The following EYS variants were observed in gnomAD, a reference collection of about 807,000 sequenced individuals.
EYS encodes the protein EGF-like photoreceptor maintenance factor, also known as protein eyes shut homolog.
EYS carries 250 observed loss-of-function variants against 282.1 expected under a neutral mutation model. The observed-to-expected ratio is 0.89, with a 90% CI of 0.80 to 0.98. The LOEUF (loss-of-function observed/expected upper bound fraction) is 0.98. Ranked by LOEUF, EYS falls within the 50% of genes least tolerant of loss-of-function variation. EYS has a pLI of 0.00. For missense variants in EYS, 4,016 were observed against 3,709.0 expected (o/e 1.08, Z -2.15); for synonymous variants, 1,355 against 1,282.9 (o/e 1.06, Z -1.20).
At chr6:64,820,550 G>A (rs1361845559) in intron 21 of EYS, among the ~76,000 whole-genome samples, 2 of 151,992 alleles carry the variant, frequency 1.3e-5, no homozygotes, top group Non-Finnish European at 2.9e-5. Context: ...TCACTATCCA[G>A]AACAAAATAA....
At chr6:63,848,649 G>T (rs1772162343) in intron 36 of EYS, among the ~76,000 whole-genome samples, 1 of 152,058 alleles carries the variant, frequency 6.6e-6, no homozygotes, top group Admixed American at 6.5e-5. Context: ...GTGCTATCTG[G>T]CCCAGATACT....
rs945935965 is a variant in EYS, at chr6:63,935,877, G to C, written c.7055+48506C>G. On this transcript the variant is annotated intron_variant, in intron 35 of 42. Coordinates refer to ENST00000503581, the MANE Select transcript of EYS (RefSeq NM_001142800.2). ...CCATTTTACAGATAAAGAAATGGAA[G>C]AATTGAGATGTTAATTAACTTTTTT... Among the ~76,000 whole-genome samples, 3 of 152,170 alleles carry C rather than the reference G, an allele frequency of 2.0e-5. No homozygotes were observed. In the East Asian group the frequency reaches 5.8e-4, roughly 29 times the overall value.
In EYS at chr6:65,519,776, A is replaced by T. The variant is rs1767293736; in HGVS notation, c.-332-23783T>A. Among the ~76,000 whole-genome samples, 3 of 124,340 alleles carry T rather than the reference A, an allele frequency of 2.4e-5. No homozygotes were observed. In the South Asian group the frequency reaches 8.1e-4, roughly 33 times the overall value. The allele number at this position is 124,340 out of a possible 152,430, so 81.6% of individuals were successfully genotyped here. A position where few individuals can be genotyped will look rare whatever the true frequency, so the allele number is the denominator to read the frequency against. On this transcript the variant is annotated intron_variant, in intron 2 of 42. Transcript: ENST00000503581. ...TGTCACCCAGGCTGGAGTGTAGTGG[A>T]GTGCTCACAGTTCACTGCAGCCTCA... is the stretch of plus-strand genomic sequence containing the variant.
At chr6:65,248,744 A>G (rs1767244945) in intron 12 of EYS, among the ~76,000 whole-genome samples, 1 of 151,956 alleles carries the variant, frequency 6.6e-6, no homozygotes, top group African/African-American at 2.4e-5. Context: ...AAAAAAATAG[A>G]TTTGTTGTGC....
chr6:64,948,234 G>T (rs1274261462), intron 14 of EYS, among the ~76,000 whole-genome samples: 1 of 151,088 alleles, frequency 6.6e-6, no homozygotes, highest in Non-Finnish European at 1.5e-5. Flanking sequence ...GAACAAAAGT[G>T]CATAGCAACT....
intron 35 of EYS, among the ~76,000 whole-genome samples, chr6:63,977,189 T>C (rs1766877818): frequency 6.6e-6 from 1 of 151,860 alleles, no homozygotes; most frequent in Non-Finnish European, 1.5e-5. Context: ...ATTTTACATA[T>C]TTATGGGGTA....
At chr6:64,253,772 A>G (rs907677796) in intron 30 of EYS, among the ~76,000 whole-genome samples, 6 of 152,004 alleles carry the variant, frequency 3.9e-5, no homozygotes, top group Non-Finnish European at 7.4e-5. Context: ...TCTCAAGGGG[A>G]CAGGCTTTAG....
At chr6:65,694,487 T>C (rs916033757) in intron 1 of EYS, among the ~76,000 whole-genome samples, 3 of 149,860 alleles carry the variant, frequency 2.0e-5, no homozygotes, top group Admixed American at 6.7e-5. Context: ...AGACAAATAT[T>C]TGCATTTAAA....
intron 22 of EYS, among the ~76,000 whole-genome samples, chr6:64,678,624 GT>G (rs1434811748): frequency 5.9e-5 from 9 of 152,072 alleles, no homozygotes; most frequent in African/African-American, 2.2e-4. Flanking sequence ...TCACTCTGTA[GT>G]TTTGCTATGA....
chr6:64,554,993 T>C (rs1322938825), intron 26 of EYS, among the ~76,000 whole-genome samples: 2 of 151,888 alleles, frequency 1.3e-5, no homozygotes, highest in Non-Finnish European at 2.9e-5. Flanking sequence ...AGCACTACCA[T>C]ATGCTCCAGC....
intron 19 of EYS, among the ~76,000 whole-genome samples, chr6:64,868,111 TATC>T (rs1766481328): frequency 6.6e-6 from 1 of 151,454 alleles, no homozygotes; most frequent in Non-Finnish European, 1.5e-5. Flanking sequence ...TTCATTTACA[TATC>T]ATTTTAATCT....
intron 26 of EYS, among the ~76,000 whole-genome samples, chr6:64,550,568 T>C (rs1482430834): frequency 6.6e-6 from 1 of 152,140 alleles, no homozygotes; most frequent in Non-Finnish European, 1.5e-5. Context: ...AGATGCCCTC[T>C]CTCACCACTC....
intron 26 of EYS, among the ~76,000 whole-genome samples, chr6:64,556,734 CAG>C (rs1050196213): frequency 1.4e-4 from 21 of 151,930 alleles, no homozygotes; most frequent in African/African-American, 4.6e-4. Context: ...AGCTGTGAAA[CAG>C]AGGTGAGGGA....
At chr6:64,658,757 T>G (rs1768864915) in intron 22 of EYS, among the ~76,000 whole-genome samples, 1 of 152,210 alleles carries the variant, frequency 6.6e-6, no homozygotes, top group Non-Finnish European at 1.5e-5. Flanking sequence ...GGTGTCAGTC[T>G]GCCCCTACTG....
chr6:65,131,419 T>TA (rs201761407), intron 12 of EYS, among the ~76,000 whole-genome samples: 1,659 of 151,822 alleles, frequency 0.011, 32 homozygotes, highest in East Asian at 0.044. Flanking sequence ...GTCAAGATTA[T>TA]AAAAAAATCA....
chr6:64,594,710 G>T (rs1766524735), intron 24 of EYS, among the ~76,000 whole-genome samples: 2 of 128,516 alleles, frequency 1.6e-5, no homozygotes, highest in East Asian at 2.7e-4. Flanking sequence ...GGGAGGGGGA[G>T]GGATAGCATT....
At chr6:64,130,664 C>A (rs1475088773) in intron 31 of EYS, among the ~76,000 whole-genome samples, 2 of 151,928 alleles carry the variant, frequency 1.3e-5, no homozygotes, top group East Asian at 3.9e-4. Flanking sequence ...GCAGTAGATG[C>A]CTTCCGAACA....
chr6:64,376,026 G>T (rs1007200289), intron 29 of EYS, among the ~76,000 whole-genome samples: 1 of 152,108 alleles, frequency 6.6e-6, no homozygotes, highest in African/African-American at 2.4e-5. Flanking sequence ...TAAAAAAATT[G>T]TGAGTCCTTC....
intron 29 of EYS, among the ~76,000 whole-genome samples, chr6:64,368,417 T>C (rs769991322): frequency 7.2e-5 from 11 of 152,174 alleles, no homozygotes; most frequent in Middle Eastern, 3.2e-3. Context: ...TGCACGTGTC[T>C]TTAGGTTAGA....
Sources: gnomAD v4.1 joint callset for allele counts (sites outside exome capture counted in the v4.1 genomes callset) on GRCh38, gnomAD v4.1.1 for gene constraint, MANE v1.5 for transcripts, NCBI Gene and HGNC (gene_info 2026-07-23, HGNC 2026-07-21) for gene names.